Variants in HNRNPK observed in about 807,000 individuals in gnomAD.
HNRNPK encodes dC-stretch binding protein.
HNRNPK carries 7 observed loss-of-function variants against 67.0 expected under a neutral mutation model. The ratio of observed to expected loss-of-function variants is 0.10; its 90% CI spans 0.06 to 0.20. The LOEUF (loss-of-function observed/expected upper bound fraction) is 0.20, where lower values mean the gene tolerates loss of function less well. HNRNPK is among the 10% of genes least tolerant of loss of function. The pLI, the probability that HNRNPK is intolerant of heterozygous loss-of-function variation, is 1.00. For synonymous variants in HNRNPK, 213 were observed against 193.7 expected, an observed-to-expected ratio of 1.10 and a Z score of -0.83; for missense variants, 264 against 606.5, an observed-to-expected ratio of 0.44 and a Z score of 5.93.
intron 5 of HNRNPK, among the ~76,000 whole-genome samples, chr9:83,975,999 AAATT>A (rs1342077701): frequency 6.6e-6 from 1 of 152,334 alleles, no homozygotes; most frequent in South Asian, 2.1e-4. Context: ...GGAAATGGGG[AAATT>A]AATAACCCAG....
At chr9:83,970,073 G>T (rs1956757741) in intron 16 of HNRNPK, 89 bp downstream of exon 16, 2 of 1,075,394 alleles carry the variant, frequency 1.9e-6, no homozygotes, top group Admixed American at 2.3e-5. Flanking sequence ...AGACACCATG[G>T]CTTCTAAAAG....
intron 12 of HNRNPK, 55 bp from the exon 13 acceptor site, chr9:83,971,411 G>A (rs554181630): frequency 1.7e-6 from 2 of 1,197,676 alleles, no homozygotes; most frequent in East Asian, 2.3e-5. Context: ...TTATAGAGCT[G>A]TTTTTAATAT....
At position 83,980,153 on chromosome 9, in the gene HNRNPK, C is replaced by G. The variant is rs1459839161; in HGVS notation, c.-108G>C. 6.6e-6 allele frequency: 1 copy of G among 152,566 alleles called. No individual in the cohort carries two copies. The highest frequency in any genetic ancestry group is 1.5e-5 in the Non-Finnish European group (1 of 68,324). 9.5% of individuals were successfully genotyped at this position (152,566 alleles called of 1,614,324 possible). On this transcript the variant is annotated splice_region_variant and 5_prime_UTR_variant, in exon 1 of 17. Transcript: ENST00000376263. Reference sequence around the variant, plus strand: ...CCGCTCCCCCAACCCGGCTCCTCACCGCGCGAGACTGCCGTCCCTCCGCTG... The same window carrying G: ...CCGCTCCCCCAACCCGGCTCCTCACGGCGCGAGACTGCCGTCCCTCCGCTG...
intron 13 of HNRNPK, 160 bp from the exon 14 acceptor site, chr9:83,971,072 G>C: frequency 1.3e-6 from 1 of 772,640 alleles, no homozygotes; most frequent in Admixed American, 2.3e-5. Flanking sequence ...CTCTTTTGTA[G>C]TTGGGATTAT....
At chr9:83,978,352 G>C in intron 2 of HNRNPK, 21 bp downstream of exon 2, 1 of 1,257,948 alleles carries the variant, frequency 7.9e-7, no homozygotes, top group South Asian at 1.5e-5. Flanking sequence ...AAAAAAAAAA[G>C]ACATTGCTTC....
At chr9:83,975,350 A>G in intron 6 of HNRNPK, 112 bp downstream of exon 6, 2 of 994,796 alleles carry the variant, frequency 2.0e-6, no homozygotes, top group South Asian at 1.4e-5. Flanking sequence ...CAGAAACTTG[A>G]AAAACAATAC....
chr9:83,972,399 A>G (rs751337395), intron 10 of HNRNPK: 2 of 556,804 alleles, frequency 3.6e-6, no homozygotes, highest in Admixed American at 7.4e-5. Context: ...AACAAAAGTG[A>G]GTTCTATTGC....
intron 1 of HNRNPK, among the ~76,000 whole-genome samples, chr9:83,978,970 C>T (rs1429915195): frequency 6.6e-6 from 1 of 152,158 alleles, no homozygotes; most frequent in Non-Finnish European, 1.5e-5. Flanking sequence ...AATATAGGAC[C>T]AGACCCAAAC....
intron 1 of HNRNPK, among the ~76,000 whole-genome samples, 168 bp from the exon 2 acceptor site, chr9:83,978,620 A>AT (rs1198384478): frequency 6.6e-6 from 1 of 152,220 alleles, no homozygotes; most frequent in Admixed American, 6.5e-5. Context: ...AAAATACAAA[A>AT]TTCAAGGGAG....
At position 83,970,204 on chromosome 9, in the gene HNRNPK, G is replaced by A; in HGVS notation, c.1319C>T (p.Thr440Ile). The A allele has an allele frequency of 6.2e-7, 1 of 1,613,510 alleles. No individual in the cohort carries two copies. Residue 440 changes from threonine to isoleucine, a missense_variant, in exon 16 of 17, where the codon ACA becomes ATA. By Grantham distance (89) the Thr-to-Ile change is moderately conservative. Around this residue, in one of 6 missense-constraint regions of HNRNPK, gnomAD observed 24 missense variants for 103.3 expected, o/e 0.23. Coordinates refer to ENST00000376263, the MANE Select transcript of HNRNPK (RefSeq NM_031263.4). ...CTGTGCATTCTGTATCTGGTCCTGTGTTCCTGTAATGGTAATGATCCGATC... is the reference window on the plus strand; with the variant it reads ...CTGTGCATTCTGTATCTGGTCCTGTATTCCTGTAATGGTAATGATCCGATC... ...SEDRIITITGTQDQIQNAQYL... is the reference protein window; with the variant it reads ...SEDRIITITGIQDQIQNAQYL...
In HNRNPK at chr9:83,973,269, A is replaced by AG; in HGVS notation, c.516+16_516+17insC. On this transcript the variant is annotated intron_variant, in intron 9 of 16. Transcript: ENST00000376263. ...TACTTTCCAGCAAAGAATACGGCAG[A>AG]ATTTTTTTTTTTTTACCTCTCGAAG... The AG allele has an allele frequency of 7.4e-7, 1 of 1,356,248 alleles. No individual in the cohort carries two copies. The highest frequency in any genetic ancestry group is 1.1e-6 in the Non-Finnish European group (1 of 950,862). The allele number at this position is 1,356,248 out of a possible 1,614,324, so 84.0% of individuals were successfully genotyped here.
intron 8 of HNRNPK, 97 bp from the exon 9 acceptor site, chr9:83,973,496 G>A: frequency 1.4e-6 from 1 of 728,858 alleles, no homozygotes; most frequent in South Asian, 1.6e-5. Context: ...CTGTTGCAGT[G>A]AGCAACCTGA....
At chr9:83,976,668 C>T (rs1957077118) in intron 5 of HNRNPK, 1 of 203,118 alleles carries the variant, frequency 4.9e-6, no homozygotes, top group African/African-American at 2.3e-5. Flanking sequence ...GTAATTGATT[C>T]ACACACAGGA....
At chr9:83,972,798 C>T (rs1564063101) in intron 10 of HNRNPK, 46 bp downstream of exon 10, 1 of 1,486,054 alleles carries the variant, frequency 6.7e-7, no homozygotes, top group East Asian at 2.4e-5. Flanking sequence ...AAGGTTATCA[C>T]TTTGTTTCAT....
chr9:83,975,669 C>T, intron 5 of HNRNPK, 164 bp from the exon 6 acceptor site: 1 of 703,130 alleles, frequency 1.4e-6, no homozygotes, highest in Non-Finnish European at 2.7e-6. Context: ...TCATGGTGGG[C>T]AACGCAGGGG....
chr9:83,979,185 G>A (rs1457459023), intron 1 of HNRNPK, among the ~76,000 whole-genome samples: 1 of 152,292 alleles, frequency 6.6e-6, no homozygotes, highest in East Asian at 1.9e-4. Context: ...TCGGGACTAG[G>A]AGTTGACAAG....
Position 83,977,677 on chromosome 9 carries a change from TA to T in HNRNPK, c.156+11del. The T allele has an allele frequency of 6.5e-7, 1 of 1,533,336 alleles. No homozygotes were observed. Among genetic ancestry groups the T allele is most frequent in the Non-Finnish European group, 9.0e-7 (1 of 1,115,312 alleles). The allele number at this position is 1,533,336 out of a possible 1,614,324, so 95.0% of individuals were successfully genotyped here. On this transcript the variant is annotated intron_variant, in intron 4 of 16. Transcript: ENST00000376263. ...TGAACCACCTTCAAATTTTCAAGAATAAAATTTATACCTTGCTCTGAAGCAG... is the reference window on the plus strand; with the variant it reads ...TGAACCACCTTCAAATTTTCAAGAATAAATTTATACCTTGCTCTGAAGCAG...
chr9:83,971,591 C>G (rs2133027059), intron 12 of HNRNPK, 81 bp downstream of exon 12: 3 of 1,205,308 alleles, frequency 2.5e-6, no homozygotes, highest in Non-Finnish European at 3.7e-6. Flanking sequence ...TTTTTAATCA[C>G]TATAACCTTC....
chr9:83,972,826 A>T lies in HNRNPK; in HGVS notation c.645+18T>A. ...TGTTTCATAAAATCAAATGTAAACA[A>T]AAAGTGTTCTGAAGTACCTCAGATA... On this transcript the variant is annotated intron_variant, in intron 10 of 16. Transcript: ENST00000376263. The T allele has an allele frequency of 1.3e-6, 2 of 1,566,048 alleles. No individual in the cohort carries two copies. Among genetic ancestry groups the T allele is most frequent in the Non-Finnish European group, 1.7e-6 (2 of 1,157,704 alleles).
Sources: allele counts gnomAD v4.1 joint callset (sites outside exome capture counted in the v4.1 genomes callset), GRCh38; gene constraint gnomAD v4.1.1; regional missense constraint gnomAD v4.1.1; transcripts MANE v1.5; gene names NCBI Gene and HGNC (gene_info 2026-07-23, HGNC 2026-07-21).